TSHZ2: variants seen among roughly 807,000 people sequenced by gnomAD.
The protein encoded by TSHZ2 is teashirt zinc finger homeobox 2, also known as teashirt homolog 2.
A neutral mutation model predicts 74.4 loss-of-function variants in TSHZ2; 21 were observed. The observed-to-expected ratio is 0.28, with a 90% CI of 0.20 to 0.41. The LOEUF (loss-of-function observed/expected upper bound fraction) is 0.41. Ranked by LOEUF, TSHZ2 falls within the 10% of genes least tolerant of loss-of-function variation. The probability of loss-of-function intolerance (pLI) is 1.00; values close to 1 mark genes in which losing one functional copy is unlikely to be tolerated. For missense variants in TSHZ2, 1,244 were observed against 1,293.5 expected (o/e 0.96, Z 0.59); for synonymous variants, 540 against 515.3 (o/e 1.05, Z -0.65).
intron 2 of TSHZ2, among the ~76,000 whole-genome samples, chr20:53,469,819 AG>A (rs1985733668): frequency 7.5e-6 from 1 of 134,078 alleles, no homozygotes; most frequent in Admixed American, 7.4e-5. Context: ...CAACAAAGAT[AG>A]AGAAAGAGAG....
chr20:53,050,101 GTGTA>G (rs1467824800), intron 1 of TSHZ2, among the ~76,000 whole-genome samples: 9 of 60,464 alleles, frequency 1.5e-4, no homozygotes, highest in East Asian at 1.8e-3. Flanking sequence ...ATGTATATGT[GTGTA>G]TATATATATA....
At chr20:53,247,718 C>T (rs996257971) in intron 1 of TSHZ2, among the ~76,000 whole-genome samples, 1 of 152,204 alleles carries the variant, frequency 6.6e-6, no homozygotes, top group Non-Finnish European at 1.5e-5. Context: ...TGACTTTAAA[C>T]AGTCATTTAG....
chr20:53,119,635 C>G (rs1936973), intron 1 of TSHZ2, among the ~76,000 whole-genome samples: 14,774 of 152,208 alleles, frequency 0.097, 1,494 homozygotes, highest in East Asian at 0.3. Context: ...AATGTGAAAG[C>G]TTCCACTGAC....
At chr20:53,475,142 T>G (rs1181795246) in intron 2 of TSHZ2, among the ~76,000 whole-genome samples, 3 of 140,386 alleles carry the variant, frequency 2.1e-5, no homozygotes, top group Non-Finnish European at 4.6e-5. Flanking sequence ...TGAACTCAGC[T>G]CTGCACCAAG....
intron 2 of TSHZ2, among the ~76,000 whole-genome samples, chr20:53,346,189 G>A (rs1333117230): frequency 1.3e-5 from 2 of 152,164 alleles, no homozygotes; most frequent in Non-Finnish European, 2.9e-5. Flanking sequence ...TATTCTAATT[G>A]TGCTGAGCGC....
At chr20:53,331,813 C>A (rs1322673315) in intron 2 of TSHZ2, among the ~76,000 whole-genome samples, 3 of 152,060 alleles carry the variant, frequency 2.0e-5, no homozygotes, top group Admixed American at 1.3e-4. Flanking sequence ...AGGGCAGGAA[C>A]CCCTTCCTGG....
chr20:53,474,762 C>T (rs1985939215), intron 2 of TSHZ2, among the ~76,000 whole-genome samples: 1 of 128,744 alleles, frequency 7.8e-6, no homozygotes, highest in Non-Finnish European at 1.6e-5. Flanking sequence ...TCAGGAAACC[C>T]ATCTCAAGTG....
chr20:53,339,783 G>A (rs1489852910), intron 2 of TSHZ2, among the ~76,000 whole-genome samples: 15 of 152,140 alleles, frequency 9.9e-5, no homozygotes, highest in Admixed American at 9.2e-4. Context: ...GGGACTCGCT[G>A]CTCTCCTGGG....
chr20:53,042,871 A>G (rs1181667154), intron 1 of TSHZ2, among the ~76,000 whole-genome samples: 1 of 152,218 alleles, frequency 6.6e-6, no homozygotes, highest in Non-Finnish European at 1.5e-5. Context: ...GCAAGGATGT[A>G]AATATAAAAA....
At chr20:53,056,916 G>T (rs998420485) in intron 1 of TSHZ2, among the ~76,000 whole-genome samples, 6 of 152,274 alleles carry the variant, frequency 3.9e-5, no homozygotes, top group African/African-American at 1.4e-4. Flanking sequence ...ATGATATGGT[G>T]TGGCTGTGTC....
intron 1 of TSHZ2, among the ~76,000 whole-genome samples, chr20:53,123,643 C>G (rs1986873665): frequency 6.6e-6 from 1 of 152,030 alleles, no homozygotes; most frequent in Non-Finnish European, 1.5e-5. Context: ...GACAACATGG[C>G]ACAGTCAAGC....
intron 2 of TSHZ2, among the ~76,000 whole-genome samples, chr20:53,315,102 G>T (rs1978947474): frequency 6.6e-6 from 1 of 152,236 alleles, no homozygotes. Context: ...GATGGGTGCA[G>T]TTCCACGCAT....
chr20:53,050,130 T>TATATATATATACATATAC (rs1555819319), intron 1 of TSHZ2, among the ~76,000 whole-genome samples: 1 of 88,346 alleles, frequency 1.1e-5, no homozygotes, highest in African/African-American at 6.8e-5. Flanking sequence ...TATATACACA[T>TATATATATATACATATAC]ATATATATGT....
intron 2 of TSHZ2, among the ~76,000 whole-genome samples, chr20:53,405,446 T>G (rs1455962651): frequency 6.6e-6 from 1 of 152,142 alleles, no homozygotes; most frequent in Non-Finnish European, 1.5e-5. Flanking sequence ...GAAAACGAAC[T>G]CCTTTGCTGT....
rs574617936 is a variant in TSHZ2 at position 53,031,157 on chromosome 20, T to C, written c.40+57824T>C. On this transcript the variant is annotated intron_variant, in intron 1 of 2. Coordinates refer to ENST00000371497, the MANE Select transcript of TSHZ2 (RefSeq NM_173485.6). ...GCCTGTTTAATGCTTTTGCTACTTATTGCCAAATCACCCTAGAAAGGATAA... is the reference window on the plus strand; with the variant it reads ...GCCTGTTTAATGCTTTTGCTACTTACTGCCAAATCACCCTAGAAAGGATAA... 3.1e-4 allele frequency among the ~76,000 whole-genome samples: 47 copies of C among 152,364 alleles called. No individual in the cohort carries two copies. The South Asian group carries it at 4.1e-3, about 13-fold the overall frequency.
chr20:53,008,399 T>A (rs1049758221), intron 1 of TSHZ2, among the ~76,000 whole-genome samples: 1 of 152,112 alleles, frequency 6.6e-6, no homozygotes, highest in Non-Finnish European at 1.5e-5. Context: ...AATAGAAAAT[T>A]CCCCTGGTTG....
chr20:53,414,185 CTCATGT>C (rs1284261911), intron 2 of TSHZ2, among the ~76,000 whole-genome samples: 1 of 152,038 alleles, frequency 6.6e-6, no homozygotes, highest in Non-Finnish European at 1.5e-5. Context: ...TATACACACA[CTCATGT>C]TTATGTAGAG....
rs1339548605 is a variant in TSHZ2 at position 53,344,256 on chromosome 20, A to G, written c.*8+87685A>G. 2.6e-5 allele frequency among the ~76,000 whole-genome samples: 4 copies of G among 152,094 alleles called. No individual in the cohort carries two copies. The South Asian group carries it at 6.2e-4, about 24-fold the overall frequency. On this transcript the variant is annotated intron_variant, in intron 2 of 2. Coordinates refer to ENST00000371497, the MANE Select transcript of TSHZ2 (RefSeq NM_173485.6). ...CATCCCCATTATCATCACTGTCATT[A>G]CTGGGAATTTATTGCATGTTAAGCA...
At chr20:52,974,891 C>A (rs1301382109) in intron 1 of TSHZ2, among the ~76,000 whole-genome samples, 4 of 152,208 alleles carry the variant, frequency 2.6e-5, no homozygotes, top group Non-Finnish European at 5.9e-5. Flanking sequence ...GATCGTTTCC[C>A]TAAAAGCAAA....
Sources: gnomAD v4.1 joint callset for allele counts (sites outside exome capture counted in the v4.1 genomes callset) on GRCh38, gnomAD v4.1.1 for gene constraint, MANE v1.5 for transcripts, NCBI Gene and HGNC (gene_info 2026-07-23, HGNC 2026-07-21) for gene names.